CFAP91: variants seen among roughly 807,000 people sequenced by gnomAD.
CFAP91 encodes the protein cilia- and flagella-associated protein 91.
In CFAP91, 85 loss-of-function variants were observed where a neutral mutation model predicts 95.9. That is an observed-to-expected ratio of 0.89 (90% CI 0.74 to 1.06). CFAP91 has a LOEUF of 1.06. Ranked by LOEUF, CFAP91 falls within the 50% of genes least tolerant of loss-of-function variation. The pLI is 0.00. For missense variants in CFAP91, 962 were observed against 943.4 expected, an observed-to-expected ratio of 1.02 and a Z score of -0.26; for synonymous variants, 335 against 327.5, an observed-to-expected ratio of 1.02 and a Z score of -0.25.
chr3:119,744,230 C>T, intron 14 of CFAP91, 34 bp downstream of exon 14: 1 of 1,528,752 alleles, frequency 6.5e-7, no homozygotes, highest in Non-Finnish European at 8.9e-7. Context: ...TGGAAGCTGC[C>T]TAGAAGGAGC....
intron 14 of CFAP91, among the ~76,000 whole-genome samples, chr3:119,744,900 C>G (rs941316584): frequency 1.3e-5 from 2 of 152,270 alleles, no homozygotes; most frequent in African/African-American, 4.8e-5. Context: ...ATTGGCAAAT[C>G]AGAACTTGCC....
At chr3:119,724,404 G>A (rs1370333798) in intron 6 of CFAP91, among the ~76,000 whole-genome samples, 1 of 152,062 alleles carries the variant, frequency 6.6e-6, no homozygotes, top group Non-Finnish European at 1.5e-5. Context: ...ATTAAAAAAT[G>A]TGAAGTATAT....
At chr3:119,703,328 C>G (rs1577190038) in intron 1 of CFAP91, 106 bp downstream of exon 1, 1 of 1,505,528 alleles carries the variant, frequency 6.6e-7, no homozygotes, top group East Asian at 2.5e-5. Context: ...ACACGACCCT[C>G]TGGACTGACC....
At chr3:119,709,807 C>T (rs2053441206) in intron 4 of CFAP91, 32 bp from the exon 5 acceptor site, 3 of 1,549,420 alleles carry the variant, frequency 1.9e-6, no homozygotes, top group Non-Finnish European at 2.7e-6. Flanking sequence ...TTGCAAAAGT[C>T]CCACACATTT....
chr3:119,744,165 G>T lies in CFAP91; in HGVS notation c.1871G>T (p.Arg624Leu). 6.2e-7 allele frequency: 1 copy of T among 1,613,610 alleles called. No individual in the cohort carries two copies. Residue 624 changes from arginine to leucine, a missense_variant, in exon 14 of 18, where the codon CGC (arginine) becomes CTC (leucine). Arg to Leu is a moderately radical substitution (Grantham distance 102, BLOSUM62 -2). Transcript: ENST00000273390. ...GGTCGGCGCCAGGTGGAAAAACAGC[G>T]CCTGCGGGAGGAGGACGAGATATTT... ...ESGRRQVEKQ[R>L]LREEDEIFKE...
At chr3:119,724,956 A>T (rs2053752995) in intron 6 of CFAP91, among the ~76,000 whole-genome samples, 1 of 152,174 alleles carries the variant, frequency 6.6e-6, no homozygotes, top group Non-Finnish European at 1.5e-5. Context: ...TTCATATATT[A>T]CTTATTTGCT....
At chr3:119,733,718 TTTGCAGAGGTCATA>T (rs1165789233) in intron 10 of CFAP91, among the ~76,000 whole-genome samples, 1 of 152,168 alleles carries the variant, frequency 6.6e-6, no homozygotes, top group Non-Finnish European at 1.5e-5. Flanking sequence ...TTTTTCCCCA[TTTGCAGAGGTCATA>T]TTACTTTCTG....
At chr3:119,720,200 A>G (rs1218347077) in intron 6 of CFAP91, among the ~76,000 whole-genome samples, 13 of 151,496 alleles carry the variant, frequency 8.6e-5, no homozygotes, top group African/African-American at 2.9e-4. Context: ...CATCTTGGCT[A>G]ACATGGTGAA....
At chr3:119,740,860 T>TGTGTGG in intron 13 of CFAP91, 165 bp downstream of exon 13, 1 of 747,438 alleles carries the variant, frequency 1.3e-6, no homozygotes, top group African/African-American at 1.8e-5. Context: ...TGTGTGTGTG[T>TGTGTGG]GTGTGTGTGT....
chr3:119,754,585 C>T (rs2054389645), intron 17 of CFAP91, among the ~76,000 whole-genome samples: 1 of 152,190 alleles, frequency 6.6e-6, no homozygotes, highest in African/African-American at 2.4e-5. Flanking sequence ...TTGAATTAGA[C>T]AGGATGGGAT....
chr3:119,766,702 G>C lies in CFAP91; in HGVS notation c.*1652G>C, dbSNP rs573534742. 1.3e-5 allele frequency: 2 copies of C among 152,286 alleles called. No homozygotes were observed. The highest frequency in any genetic ancestry group is 1.5e-5 in the Non-Finnish European group (1 of 68,022). 9.4% of individuals were successfully genotyped at this position (152,286 alleles called of 1,614,324 possible). A position where few individuals can be genotyped will look rare whatever the true frequency, so the allele number is the denominator to read the frequency against. On this transcript the variant is annotated 3_prime_UTR_variant, in exon 18 of 18. Coordinates refer to ENST00000273390, the MANE Select transcript of CFAP91 (RefSeq NM_033364.4). ...CTGCATACTCAACTCTGCCGTTGTAGGGTAAGAGCAGCACTCGATGACACA... is the reference window on the plus strand; with the variant it reads ...CTGCATACTCAACTCTGCCGTTGTACGGTAAGAGCAGCACTCGATGACACA...
In CFAP91 at chr3:119,715,557, T is replaced by G; in HGVS notation, c.501-5T>G. The G allele has an allele frequency of 6.2e-7, 1 of 1,613,412 alleles. No individual in the cohort carries two copies. Among genetic ancestry groups the G allele is most frequent in the South Asian group, 1.1e-5 (1 of 91,034 alleles). On this transcript the variant is annotated splice_region_variant and splice_polypyrimidine_tract_variant and intron_variant, in intron 5 of 17. Transcript: ENST00000273390. ...TCAATTTTTAAACTGATTTTTCTCT[T>G]TTAGGGCAGAACCATACACTTTTCC...
rs375662272 is a variant in CFAP91, at chr3:119,751,113, C to G, written c.*1+15C>G. On this transcript the variant is annotated intron_variant, in intron 17 of 17. Coordinates refer to ENST00000273390, the MANE Select transcript of CFAP91 (RefSeq NM_033364.4). ...CAACAGCTAAGGTGAGTTTGATTTT[C>G]CACCAGGAAAAAAAGCAGAGAAAGG... The G allele has an allele frequency of 8.9e-6, 14 of 1,578,284 alleles. No individual in the cohort carries two copies. The highest frequency in any genetic ancestry group is 1.0e-5 in the Non-Finnish European group (12 of 1,165,288).
chr3:119,736,766 C>G (rs1391582702), intron 10 of CFAP91, among the ~76,000 whole-genome samples: 1 of 151,850 alleles, frequency 6.6e-6, no homozygotes. Flanking sequence ...GTGGATATAC[C>G]ACATTTTATT....
chr3:119,708,708 T>A, intron 4 of CFAP91, 34 bp downstream of exon 4: 11 of 1,205,778 alleles, frequency 9.1e-6, no homozygotes, highest in South Asian at 1.3e-5. Context: ...ATTTGAGCCC[T>A]AATATTATTA....
At chr3:119,733,731 T>C (rs1034766787) in intron 10 of CFAP91, among the ~76,000 whole-genome samples, 2 of 152,188 alleles carry the variant, frequency 1.3e-5, no homozygotes, top group African/African-American at 4.8e-5. Flanking sequence ...GCAGAGGTCA[T>C]ATTACTTTCT....
chr3:119,709,028 G>A (rs1044165517), intron 4 of CFAP91, among the ~76,000 whole-genome samples: 1 of 152,206 alleles, frequency 6.6e-6, no homozygotes. Flanking sequence ...TCAAATGAAC[G>A]ACACACAGTT....
Position 119,740,662 on chromosome 3 carries a change from C to A in CFAP91, c.1647C>A (p.Ala549=), listed in dbSNP as rs1423729281. The change falls in exon 13 of 18, where the codon GCC becomes GCA. Residue 549 remains alanine, a synonymous_variant. Transcript: ENST00000273390. The part of the protein sequence containing the change: ...VKKAEKQVTL[A]LQRQRNLHEH... ...AAGCCGAGAAGCAAGTGACCCTGGC[C>A]TTACAGCGGCAGAGGAACTTGCATG... 2 of 1,614,168 alleles carry A rather than the reference C, an allele frequency of 1.2e-6. No individual in the cohort carries two copies. The highest frequency in any genetic ancestry group is 3.3e-5 in the Admixed American group (2 of 60,028).
At chr3:119,706,984 G>A in intron 2 of CFAP91, 99 bp downstream of exon 2, 1 of 922,656 alleles carries the variant, frequency 1.1e-6, no homozygotes, top group Non-Finnish European at 1.7e-6. Flanking sequence ...ATCTTCACTG[G>A]ATTTTAGGTT....
Sources: gnomAD v4.1 joint callset for allele counts (sites outside exome capture counted in the v4.1 genomes callset) on GRCh38, gnomAD v4.1.1 for gene constraint, MANE v1.5 for transcripts, NCBI Gene and HGNC (gene_info 2026-07-23, HGNC 2026-07-21) for gene names.